SPIRE1: variants seen among roughly 807,000 people sequenced by gnomAD.
SPIRE1 encodes the protein spire type actin nucleation factor 1.
Under a neutral mutation model 94.1 loss-of-function variants are expected in SPIRE1, and 40 were observed. The ratio of observed to expected loss-of-function variants is 0.43; its 90% confidence interval spans 0.33 to 0.55. The LOEUF (loss-of-function observed/expected upper bound fraction) is 0.55, where lower values mean the gene tolerates loss of function less well. Ranked by LOEUF, SPIRE1 falls within the 20% of genes least tolerant of loss-of-function variation. The pLI is 0.06. For synonymous variants in SPIRE1, 376 were observed against 371.7 expected (o/e 1.01, Z -0.13); for missense variants, 838 against 975.2 (o/e 0.86, Z 1.87).
chr18:12,592,185 G>A (rs922431932), intron 2 of SPIRE1, among the ~76,000 whole-genome samples: 2 of 151,924 alleles, frequency 1.3e-5, no homozygotes, highest in Non-Finnish European at 2.9e-5. Context: ...TCACTGTCCT[G>A]GATTTGAGTT....
chr18:12,605,815 AG>A (rs1422489689), intron 2 of SPIRE1, among the ~76,000 whole-genome samples: 3 of 152,172 alleles, frequency 2.0e-5, no homozygotes, highest in African/African-American at 7.2e-5. Flanking sequence ...ACTTCTCCAA[AG>A]GTTTCCAGAT....
At chr18:12,600,665 G>A (rs1195306877) in intron 2 of SPIRE1, among the ~76,000 whole-genome samples, 2 of 152,096 alleles carry the variant, frequency 1.3e-5, no homozygotes, top group Non-Finnish European at 2.9e-5. Flanking sequence ...CGTATTTAGA[G>A]TCTTGTGGAT....
At chr18:12,624,469 G>A (rs2037563971) in intron 2 of SPIRE1, among the ~76,000 whole-genome samples, 1 of 150,880 alleles carries the variant, frequency 6.6e-6, no homozygotes, top group South Asian at 2.1e-4. Context: ...CTTGAACCCA[G>A]GAGGCGGGGG....
chr18:12,468,957 G>A (rs1259647061), intron 10 of SPIRE1, among the ~76,000 whole-genome samples: 1 of 151,996 alleles, frequency 6.6e-6, no homozygotes, highest in Non-Finnish European at 1.5e-5. Context: ...CTAGCTACTT[G>A]GGAGGCTGAG....
At chr18:12,655,305 T>C (rs2038509250) in intron 1 of SPIRE1, among the ~76,000 whole-genome samples, 2 of 149,972 alleles carry the variant, frequency 1.3e-5, no homozygotes, top group African/African-American at 2.4e-5. Flanking sequence ...AAGGAAGGAA[T>C]AGAATTTTTA....
intron 2 of SPIRE1, among the ~76,000 whole-genome samples, chr18:12,562,944 T>C (rs1206411537): frequency 6.6e-6 from 1 of 152,226 alleles, no homozygotes; most frequent in Non-Finnish European, 1.5e-5. Flanking sequence ...AATTACATGA[T>C]ATTGGCAGAT....
chr18:12,629,592 A>G (rs1752095775), intron 2 of SPIRE1, among the ~76,000 whole-genome samples: 1 of 152,178 alleles, frequency 6.6e-6, no homozygotes, highest in African/African-American at 2.4e-5. Flanking sequence ...TAAGAACAAC[A>G]TACAGATCAG....
intron 2 of SPIRE1, among the ~76,000 whole-genome samples, chr18:12,629,014 TA>T (rs2037706902): frequency 6.6e-6 from 1 of 152,352 alleles, no homozygotes; most frequent in Admixed American, 6.5e-5. Context: ...TAAATGATTC[TA>T]TGGTACAATT....
At chr18:12,458,020 AT>A (rs1431219090) in intron 12 of SPIRE1, among the ~76,000 whole-genome samples, 1 of 150,668 alleles carries the variant, frequency 6.6e-6, no homozygotes, top group Admixed American at 6.6e-5. Flanking sequence ...AATTTTTTGT[AT>A]TTTTAGTAGA....
At chr18:12,470,759 T>C (rs896965312) in intron 10 of SPIRE1, among the ~76,000 whole-genome samples, 2 of 152,170 alleles carry the variant, frequency 1.3e-5, no homozygotes. Flanking sequence ...CTGACATTTC[T>C]AGAACATCAG....
At chr18:12,454,264 A>C in intron 13 of SPIRE1, 82 bp downstream of exon 13, 1 of 1,519,778 alleles carries the variant, frequency 6.6e-7, no homozygotes, top group South Asian at 1.2e-5. Flanking sequence ...CCACCTGGCT[A>C]GCAGATAACT....
chr18:12,499,727 G>A (rs1191188184), intron 6 of SPIRE1, among the ~76,000 whole-genome samples: 2 of 152,060 alleles, frequency 1.3e-5, no homozygotes, highest in African/African-American at 2.4e-5. Context: ...AGCAACAGAA[G>A]GAAAAATAGA....
At chr18:12,661,632 A>C (rs1270920446), upstream of SPIRE1, among the ~76,000 whole-genome samples, 1 of 150,676 alleles carries the variant, frequency 6.6e-6, no homozygotes, top group East Asian at 2.0e-4. Flanking sequence ...AAAATTAGCC[A>C]GGCATGGTGA....
intron 4 of SPIRE1, among the ~76,000 whole-genome samples, chr18:12,527,787 C>A (rs2034564704): frequency 6.6e-6 from 1 of 152,108 alleles, no homozygotes; most frequent in South Asian, 2.1e-4. Flanking sequence ...AATATGTTGG[C>A]CAGGTGCAGT....
rs2036264679 is a variant in SPIRE1 at position 12,581,781 on chromosome 18, T to G, written c.373-34877A>C. 2.0e-5 allele frequency among the ~76,000 whole-genome samples: 3 copies of G among 151,986 alleles called. No individual in the cohort carries two copies. In the South Asian group the frequency reaches 6.2e-4, roughly 32 times the overall value. On this transcript the variant is annotated intron_variant, in intron 2 of 16. Coordinates refer to ENST00000409402, the MANE Select transcript of SPIRE1 (RefSeq NM_001128626.2). ...CGAGAGGCTGAGGCATGAGAATCGC[T>G]AGAACCCAGGAGGCAGAGGTTGCAG...
At chr18:12,550,394 TTTC>T (rs2035314604) in intron 2 of SPIRE1, among the ~76,000 whole-genome samples, 1 of 152,154 alleles carries the variant, frequency 6.6e-6, no homozygotes, top group South Asian at 2.1e-4. Context: ...AGAGTTGTTA[TTTC>T]TTCTTTTTTT....
intron 2 of SPIRE1, among the ~76,000 whole-genome samples, chr18:12,592,977 G>T (rs535175802): frequency 2.6e-5 from 4 of 152,136 alleles, no homozygotes; most frequent in Non-Finnish European, 5.9e-5. Flanking sequence ...GACTACAGGC[G>T]CAAGCCACCA....
In SPIRE1 at chr18:12,506,283, G is replaced by A. The variant is rs111636480; in HGVS notation, c.972+194C>T. On this transcript the variant is annotated intron_variant, in intron 6 of 16. Coordinates refer to ENST00000409402, the MANE Select transcript of SPIRE1 (RefSeq NM_001128626.2). ...AGCGATTCTTCTGCCTCAGCCTCCC[G>A]AGCAGCTGGAACTACAGGTGTGCAC... Among the ~76,000 whole-genome samples the A allele has an allele frequency of 8.6e-5, 13 of 151,986 alleles. No homozygotes were observed. In the South Asian group the frequency reaches 2.3e-3, roughly 27 times the overall value.
intron 4 of SPIRE1, among the ~76,000 whole-genome samples, chr18:12,534,076 A>G (rs1412673648): frequency 6.6e-6 from 1 of 152,154 alleles, no homozygotes; most frequent in African/African-American, 2.4e-5. Context: ...AAAGCTTTTC[A>G]TTGCCCTATC....
Sources: allele counts gnomAD v4.1 joint callset (sites outside exome capture counted in the v4.1 genomes callset), GRCh38; gene constraint gnomAD v4.1.1; transcripts MANE v1.5; gene names NCBI Gene and HGNC (gene_info 2026-07-23, HGNC 2026-07-21).